The following AGBL2 variants were observed in gnomAD, a reference collection of about 807,000 sequenced individuals.
AGBL2 encodes the protein AGBL carboxypeptidase 2.
AGBL2 carries 87 observed loss-of-function variants against 103.0 expected under a neutral mutation model. That is an observed-to-expected ratio of 0.84 (90% CI 0.71 to 1.01). The LOEUF (loss-of-function observed/expected upper bound fraction) is 1.01. Ranked by LOEUF, AGBL2 falls within the 50% of genes least tolerant of loss-of-function variation. The pLI, the probability that AGBL2 is intolerant of heterozygous loss-of-function variation, is 0.00. For missense variants in AGBL2, 904 were observed against 1,023.5 expected (o/e 0.88, Z 1.59); for synonymous variants, 335 against 356.7 (o/e 0.94, Z 0.69).
chr11:47,713,002 A>C (rs772290868), intron 3 of AGBL2, among the ~76,000 whole-genome samples: 1 of 151,806 alleles, frequency 6.6e-6, no homozygotes, highest in African/African-American at 2.4e-5. Context: ...AGATTGCACC[A>C]CTGCACTCCA....
rs140006264 is a variant in AGBL2, at chr11:47,668,851, A to C, written c.2204T>G (p.Ile735Arg). ...AAGAGTTCAGCTTACCTCATCTGCT[A>C]TGTTTGCTAGGTGAACAGGAAGACC... ...SDGLPVHLAN[I>R]ADELTQKKKM... Residue 735 changes from isoleucine (I) to arginine (R), a missense_variant, in exon 15 of 19, where the codon ATA becomes AGA. Ile to Arg is a moderately conservative substitution (Grantham distance 97). Transcript: ENST00000525123. 6.2e-7 allele frequency: 1 copy of C among 1,612,872 alleles called. No homozygotes were observed. The highest frequency in any genetic ancestry group is 1.3e-5 in the African/African-American group (1 of 74,832).
intron 14 of AGBL2, among the ~76,000 whole-genome samples, chr11:47,673,743 G>A (rs2097364695): frequency 7.1e-6 from 1 of 141,264 alleles, no homozygotes; most frequent in African/African-American, 2.6e-5. Context: ...GCAGTGAGCT[G>A]AGATCACGCC....
intron 14 of AGBL2, among the ~76,000 whole-genome samples, chr11:47,673,142 G>T (rs2097362387): frequency 6.6e-6 from 1 of 152,180 alleles, no homozygotes; most frequent in Non-Finnish European, 1.5e-5. Context: ...CAAACGAAAA[G>T]ATCTCTGACT....
At position 47,714,322 on chromosome 11, in the gene AGBL2, A is replaced by C. The variant is rs2097543983; in HGVS notation, c.59T>G (p.Phe20Cys). 1.2e-6 allele frequency: 2 copies of C among 1,612,868 alleles called. No homozygotes were observed. Among genetic ancestry groups the C allele is most frequent in the African/African-American group, 2.7e-5 (2 of 74,734 alleles). Residue 20 changes from phenylalanine (F) to cysteine (C), a missense_variant, in exon 3 of 19, where the codon TTT becomes TGT. Transcript: ENST00000525123. ...ATAATATTGGAGGTGACGGTACATAAAGTCTTCATAAGGATCAGGAATAGT... is the reference window on the plus strand; with the variant it reads ...ATAATATTGGAGGTGACGGTACATACAGTCTTCATAAGGATCAGGAATAGT... The part of the protein sequence containing the change: ...KQTIPDPYED[F>C]MYRHLQYYGY...
chr11:47,665,372 T>C (rs961176397), intron 17 of AGBL2, among the ~76,000 whole-genome samples: 1 of 151,640 alleles, frequency 6.6e-6, no homozygotes, highest in African/African-American at 2.4e-5. Context: ...TTAAAAAAAA[T>C]TTTTGTAGAG....
chr11:47,675,135 C>T (rs571206046), intron 14 of AGBL2, among the ~76,000 whole-genome samples: 6 of 151,280 alleles, frequency 4.0e-5, no homozygotes, highest in African/African-American at 1.2e-4. Flanking sequence ...TTGTATTATC[C>T]AGCTCAAACC....
intron 4 of AGBL2, among the ~76,000 whole-genome samples, chr11:47,706,441 G>A (rs576409892): frequency 3.3e-5 from 5 of 152,284 alleles, no homozygotes; most frequent in East Asian, 1.9e-4. Flanking sequence ...CCGTGAACCC[G>A]GGAGGCGGAG....
intron 6 of AGBL2, among the ~76,000 whole-genome samples, chr11:47,704,935 T>A (rs553337271): frequency 6.6e-6 from 1 of 152,334 alleles, no homozygotes; most frequent in Admixed American, 6.5e-5. Flanking sequence ...CACAGTCTAT[T>A]AAATGTTTAA....
chr11:47,681,848 C>G, intron 12 of AGBL2, 121 bp downstream of exon 12: 1 of 1,250,828 alleles, frequency 8.0e-7, no homozygotes, highest in Non-Finnish European at 1.1e-6. Flanking sequence ...TAGCATAAGT[C>G]TAGACAAAGA....
At position 47,690,329 on chromosome 11, in the gene AGBL2, T is replaced by C. The variant is rs1479662009; in HGVS notation, c.1378A>G (p.Arg460Gly). 1 of 1,613,864 alleles carries C rather than the reference T, an allele frequency of 6.2e-7. No individual in the cohort carries two copies. Residue 460 changes from arginine (R) to glycine (G), a missense_variant, in exon 10 of 19, where the codon AGA becomes GGA. By Grantham distance (125) the Arg-to-Gly change is moderately radical (BLOSUM62 -2). Transcript: ENST00000525123. ...AAKKAVVLSA[R>G]VHPGESNGSW... is the part of the protein sequence containing the mutation. ...CCATTACTTTCTCCAGGGTGAACTC[T>C]GGCACTCAAGACCACAGCTTTCTTT...
Position 47,660,049 on chromosome 11 carries a change from A to C in AGBL2, c.*124T>G, listed in dbSNP as rs975417667. 4 of 1,037,314 alleles carry C rather than the reference A, an allele frequency of 3.9e-6. No individual in the cohort carries two copies. In the South Asian group the frequency reaches 5.2e-5, roughly 13 times the overall value. 64.3% of individuals were successfully genotyped at this position (1,037,314 alleles called of 1,614,324 possible). A position where few individuals can be genotyped will look rare whatever the true frequency, so the allele number is the denominator to read the frequency against. On this transcript the variant is annotated 3_prime_UTR_variant, in exon 19 of 19. Coordinates refer to ENST00000525123, the MANE Select transcript of AGBL2 (RefSeq NM_024783.4). ...TAAGTACAAAGTGTAAGGTCAGTGC[A>C]TGAGTGCACAACACAGTATACCACA...
intron 3 of AGBL2, among the ~76,000 whole-genome samples, chr11:47,713,646 T>G (rs1209433062): frequency 6.6e-5 from 10 of 151,402 alleles, no homozygotes; most frequent in Non-Finnish European, 2.9e-5. Flanking sequence ...TGGAGTGCAG[T>G]GGCTTGATCT....
At chr11:47,688,564 C>T (rs1244998006) in intron 10 of AGBL2, among the ~76,000 whole-genome samples, 2 of 152,108 alleles carry the variant, frequency 1.3e-5, no homozygotes, top group Admixed American at 6.6e-5. Context: ...AACAATGCTA[C>T]ACATTTATAA....
Position 47,660,270 on chromosome 11 carries a change from A to C in AGBL2, c.2612T>G (p.Met871Arg). The C allele has an allele frequency of 6.2e-7, 1 of 1,614,226 alleles. No homozygotes were observed. Among genetic ancestry groups the C allele is most frequent in the East Asian group, 2.2e-5 (1 of 44,890 alleles). ...INSSQEPAPG[M>R]KPNWPRSRYP... ...TCTGCTCCTAGGCCAGTTTGGCTTC[A>C]TACCTGGAGCTGGCTCTTGGCTGGA... The change falls in exon 19 of 19, where the codon ATG becomes AGG. Residue 871 changes from methionine (M) to arginine (R), a missense_variant. Transcript: ENST00000525123.
rs2097343102 is a variant in AGBL2, at chr11:47,667,041, G to A, written c.2363C>T (p.Thr788Ile). ...DTSEKAGFAS[T>I]LQKQPTFFKN... is the part of the protein sequence containing the mutation. ...GAAAAAGGTTGGCTGCTTTTGCAGA[G>A]TAGAAGCAAATCCTGCCTTTTCCTA... The change falls in exon 17 of 19, where the codon ACT becomes ATT. Residue 788 changes from threonine (T) to isoleucine (I), a missense_variant. Physicochemically the swap from Thr to Ile is moderately conservative, Grantham distance 89 (BLOSUM62 -1). Transcript: ENST00000525123. 4 of 1,608,424 alleles carry A rather than the reference G, an allele frequency of 2.5e-6. No homozygotes were observed. The highest frequency in any genetic ancestry group is 1.3e-5 in the African/African-American group (1 of 74,398).
At chr11:47,703,107 A>AAAAT (rs1030475055) in intron 7 of AGBL2, among the ~76,000 whole-genome samples, 2 of 152,090 alleles carry the variant, frequency 1.3e-5, no homozygotes, top group Non-Finnish European at 2.9e-5. Flanking sequence ...AGAAAACTCC[A>AAAAT]ATAAACTCAA....
At chr11:47,665,332 C>T (rs1043110510) in intron 17 of AGBL2, among the ~76,000 whole-genome samples, 4 of 151,920 alleles carry the variant, frequency 2.6e-5, no homozygotes, top group African/African-American at 4.8e-5. Context: ...CCGGTATGAG[C>T]CACCGTGCCC....
intron 1 of AGBL2, 98 bp from the exon 2 acceptor site, chr11:47,714,848 TCTC>T (rs1407691523): frequency 1.7e-5 from 10 of 601,192 alleles, no homozygotes; most frequent in Admixed American, 8.4e-5. Context: ...CAACCCAGCT[TCTC>T]CTCAGCTAAA....
intron 11 of AGBL2, among the ~76,000 whole-genome samples, chr11:47,685,498 T>C (rs1172069608): frequency 6.6e-6 from 1 of 152,118 alleles, no homozygotes; most frequent in Non-Finnish European, 1.5e-5. Flanking sequence ...CTCTGCTCAC[T>C]GCAACCTCTG....
Sources: gnomAD v4.1 joint callset for allele counts (sites outside exome capture counted in the v4.1 genomes callset) on GRCh38, gnomAD v4.1.1 for gene constraint, MANE v1.5 for transcripts, NCBI Gene and HGNC (gene_info 2026-07-23, HGNC 2026-07-21) for gene names.